CPE: variants seen among roughly 807,000 people sequenced by gnomAD.
The protein encoded by CPE is carbocypeptidase E.
A neutral mutation model predicts 53.5 loss-of-function variants in CPE; 17 were observed. The observed-to-expected ratio is 0.32, with a 90% CI of 0.22 to 0.48. The LOEUF is 0.48. Among genes scored for constraint, CPE ranks in the 20% least tolerant of loss-of-function variants. The pLI is 0.99. For synonymous variants in CPE, 226 were observed against 228.8 expected, an observed-to-expected ratio of 0.99 and a Z score of 0.11; for missense variants, 524 against 614.7, an observed-to-expected ratio of 0.85 and a Z score of 1.56.
intron 1 of CPE, among the ~76,000 whole-genome samples, chr4:165,461,950 G>A (rs1357482880): frequency 6.6e-6 from 1 of 152,160 alleles, no homozygotes; most frequent in Non-Finnish European, 1.5e-5. Context: ...TATGTGCCTT[G>A]CATTTTATTT....
At chr4:165,452,031 G>A (rs926772187) in intron 1 of CPE, among the ~76,000 whole-genome samples, 5 of 151,866 alleles carry the variant, frequency 3.3e-5, no homozygotes, top group African/African-American at 1.2e-4. Context: ...GTTTGTCTGG[G>A]ATCAGAAAAC....
At chr4:165,424,836 T>G (rs931666593) in intron 1 of CPE, among the ~76,000 whole-genome samples, 2 of 151,928 alleles carry the variant, frequency 1.3e-5, no homozygotes, top group African/African-American at 4.8e-5. Flanking sequence ...GCCCGGCCCA[T>G]GTTTTTTACT....
chr4:165,484,086 C>T (rs1269547851), intron 4 of CPE, among the ~76,000 whole-genome samples: 3 of 152,174 alleles, frequency 2.0e-5, no homozygotes, highest in African/African-American at 7.2e-5. Context: ...AGTATAGGTA[C>T]ATTTTTTAAA....
At chr4:165,457,503 C>G (rs543931122) in intron 1 of CPE, among the ~76,000 whole-genome samples, 25 of 152,150 alleles carry the variant, frequency 1.6e-4, no homozygotes, top group Non-Finnish European at 3.7e-4. Flanking sequence ...TTTTGCTCAC[C>G]TCTCCTTCAA....
Position 165,396,356 on chromosome 4 carries a change from T to C in CPE, c.307+16828T>C, listed in dbSNP as rs10222790. On this transcript the variant is annotated intron_variant, in intron 1 of 8. Transcript: ENST00000402744. ...AGTGAGCTATCAAATGTTGGAAATA[T>C]CAGGTAAGAAGTTAAGATAGGCTGG... is the stretch of plus-strand genomic sequence containing the variant. Among the ~76,000 whole-genome samples the C allele has an allele frequency of 6.0e-3, 909 of 152,236 alleles. 7 individuals carry two copies. The highest frequency in any genetic ancestry group is 0.02 in the African/African-American group (834 of 41,534).
At chr4:165,450,365 C>T (rs1418060102) in intron 1 of CPE, among the ~76,000 whole-genome samples, 32 of 152,066 alleles carry the variant, frequency 2.1e-4, no homozygotes, top group Admixed American at 2.0e-3. Context: ...AAAATCCTCT[C>T]AAGGTCCTAT....
chr4:165,384,487 A>G (rs562946469), intron 1 of CPE, among the ~76,000 whole-genome samples: 2 of 152,250 alleles, frequency 1.3e-5, no homozygotes, highest in African/African-American at 4.8e-5. Flanking sequence ...TGGGCATGGT[A>G]GCATTTGCCT....
intron 6 of CPE, among the ~76,000 whole-genome samples, chr4:165,492,041 C>T (rs1300975398): frequency 1.3e-5 from 2 of 152,344 alleles, no homozygotes; most frequent in Non-Finnish European, 2.9e-5. Flanking sequence ...TGAAGCGACT[C>T]TGTCACTTCA....
intron 3 of CPE, 85 bp downstream of exon 3, chr4:165,467,940 G>A: frequency 2.1e-6 from 3 of 1,433,384 alleles, no homozygotes; most frequent in Admixed American, 1.9e-5. Flanking sequence ...GAAGGACAGA[G>A]GAGTAACATC....
chr4:165,454,513 A>G (rs1699863264), intron 1 of CPE, among the ~76,000 whole-genome samples: 1 of 152,230 alleles, frequency 6.6e-6, no homozygotes. Flanking sequence ...AGTTAATGCT[A>G]CTACCTCTTT....
At chr4:165,464,936 GAA>G (rs1732072443) in intron 2 of CPE, among the ~76,000 whole-genome samples, 1 of 152,110 alleles carries the variant, frequency 6.6e-6, no homozygotes, top group African/African-American at 2.4e-5. Context: ...GCCTTTTGTT[GAA>G]GAGTAACGCC....
In CPE at chr4:165,387,187, A is replaced by C. The variant is rs375992854; in HGVS notation, c.307+7659A>C. On this transcript the variant is annotated intron_variant, in intron 1 of 8. Coordinates refer to ENST00000402744, the MANE Select transcript of CPE (RefSeq NM_001873.4). ...TTACTAGTGTCTTTTATGATTTTCA[A>C]ATGATTTACCCACTTCTTTAACTGT... Among the ~76,000 whole-genome samples the C allele has an allele frequency of 1.3e-4, 20 of 152,182 alleles. No individual in the cohort carries two copies. In the East Asian group the frequency reaches 1.5e-3, roughly 12 times the overall value.
Position 165,484,298 on chromosome 4 carries a change from A to G in CPE, c.791-124A>G, listed in dbSNP as rs1239044921. On this transcript the variant is annotated intron_variant, in intron 4 of 8. Transcript: ENST00000402744. Reference sequence around the variant, plus strand: ...AGTATTTAAATTTTACCTCTTTCCCATAGTTATGTAGCTAAAAAAATACAT... The same window carrying G: ...AGTATTTAAATTTTACCTCTTTCCCGTAGTTATGTAGCTAAAAAAATACAT... 1.7e-5 allele frequency: 15 copies of G among 888,670 alleles called. No individual in the cohort carries two copies. In the South Asian group the frequency reaches 3.0e-4, roughly 18 times the overall value. The allele number at this position is 888,670 out of a possible 1,614,324, so 55.0% of individuals were successfully genotyped here. A position where few individuals can be genotyped will look rare whatever the true frequency, so the allele number is the denominator to read the frequency against.
At chr4:165,493,815 A>C (rs193212114) in intron 7 of CPE, among the ~76,000 whole-genome samples, 1 of 152,324 alleles carries the variant, frequency 6.6e-6, no homozygotes, top group Non-Finnish European at 1.5e-5. Context: ...AGTGACTTCC[A>C]GGTTTTGAGC....
chr4:165,488,945 G>A lies in CPE; in HGVS notation c.1113+1368G>A, dbSNP rs536405617. 5.9e-5 allele frequency among the ~76,000 whole-genome samples: 9 copies of A among 152,280 alleles called. No individual in the cohort carries two copies. In the South Asian group the frequency reaches 1.2e-3, roughly 21 times the overall value. On this transcript the variant is annotated intron_variant, in intron 6 of 8. Transcript: ENST00000402744. The stretch of plus-strand genomic sequence containing the variant: ...CTGTAATACCTTACCAGGGACTGTC[G>A]TGGAATAGATCCACTGATGTCAGAT...
At chr4:165,456,544 TTCTCTCTCTCTTTC>T (rs1378859851) in intron 1 of CPE, among the ~76,000 whole-genome samples, 19 of 145,420 alleles carry the variant, frequency 1.3e-4, no homozygotes, top group Admixed American at 1.0e-3. Flanking sequence ...CTTTCTTTGT[TTCTCTCTCTCTTTC>T]TCTCTCTCTC....
intron 1 of CPE, among the ~76,000 whole-genome samples, chr4:165,442,157 C>T (rs1024592082): frequency 2.0e-5 from 3 of 151,354 alleles, no homozygotes; most frequent in Non-Finnish European, 2.9e-5. Context: ...ATCCTCCCAC[C>T]TTGGCCTCCT....
intron 1 of CPE, among the ~76,000 whole-genome samples, chr4:165,413,096 G>A (rs79766304): frequency 0.019 from 2,848 of 152,222 alleles, 37 homozygotes; most frequent in African/African-American, 0.024. Context: ...AACAAAACTT[G>A]CTCTTTCTTG....
chr4:165,434,355 G>A (rs1354024355), intron 1 of CPE, among the ~76,000 whole-genome samples: 1 of 152,118 alleles, frequency 6.6e-6, no homozygotes, highest in African/African-American at 2.4e-5. Context: ...TGATATTGGA[G>A]AAATGGGTGC....
Sources: allele counts gnomAD v4.1 joint callset (sites outside exome capture counted in the v4.1 genomes callset), GRCh38; gene constraint gnomAD v4.1.1; transcripts MANE v1.5; gene names NCBI Gene and HGNC (gene_info 2026-07-23, HGNC 2026-07-21).